AGBL1: variants seen among roughly 807,000 people sequenced by gnomAD.
The protein encoded by AGBL1 is AGBL carboxypeptidase 1.
AGBL1 carries 130 observed loss-of-function variants against 118.9 expected under a neutral mutation model. That is an observed-to-expected ratio of 1.09 (90% CI 0.95 to 1.26). The LOEUF (loss-of-function observed/expected upper bound fraction) is 1.26, where lower values mean the gene tolerates loss of function less well. Among genes scored for constraint, AGBL1 ranks in the 50% most tolerant of loss-of-function variants. The probability of loss-of-function intolerance (pLI) is 0.00; values close to 1 mark genes in which losing one functional copy is unlikely to be tolerated. For missense variants in AGBL1, 1,584 were observed against 1,298.1 expected (o/e 1.22, Z -3.38); for synonymous variants, 555 against 478.9 (o/e 1.16, Z -2.08).
At chr15:86,297,172 A>G (rs1036576126) in intron 17 of AGBL1, 3 of 152,176 alleles carry the variant, frequency 2.0e-5, no homozygotes, top group Admixed American at 6.5e-5. Context: ...AAGATGGGTT[A>G]TAGTAAGTGT....
At chr15:86,693,423 T>A (rs1046455646) in intron 22 of AGBL1, among the ~76,000 whole-genome samples, 1 of 152,166 alleles carries the variant, frequency 6.6e-6, no homozygotes, top group Non-Finnish European at 1.5e-5. Context: ...TCTATTCATA[T>A]CCTTAGCCCA....
chr15:86,724,148 A>G (rs1322975004), intron 22 of AGBL1, among the ~76,000 whole-genome samples: 2 of 144,012 alleles, frequency 1.4e-5, no homozygotes, highest in Non-Finnish European at 3.0e-5. Flanking sequence ...AGGCAGGAGA[A>G]TGGCGTGAAT....
At chr15:86,185,790 A>T (rs1443020121) in intron 5 of AGBL1, among the ~76,000 whole-genome samples, 1 of 152,006 alleles carries the variant, frequency 6.6e-6, no homozygotes, top group Non-Finnish European at 1.5e-5. Context: ...TAGCATTAGG[A>T]GATATACCTA....
intron 21 of AGBL1, among the ~76,000 whole-genome samples, chr15:86,584,042 TG>T (rs2142337533): frequency 6.6e-6 from 1 of 152,276 alleles, no homozygotes; most frequent in East Asian, 1.9e-4. Flanking sequence ...GTTATTTTTT[TG>T]TTGCTTGTTA....
chr15:87,006,342 A>G lies in AGBL1; in HGVS notation c.3323+18254A>G, dbSNP rs370604216. ...TCTTGAGCTGTGGTGGACTCCACTC[A>G]GTTCAAGCTTCCCTGCCGCTTTGTT... On this transcript the variant is annotated intron_variant, in intron 24 of 24. Transcript: ENST00000441037. Among the ~76,000 whole-genome samples, 324 of 152,250 alleles carry G rather than the reference A, an allele frequency of 2.1e-3. 1 individual carries two copies. The highest frequency in any genetic ancestry group is 7.5e-3 in the South Asian group (36 of 4,824).
intron 23 of AGBL1, among the ~76,000 whole-genome samples, chr15:86,959,128 CA>C (rs2080963725): frequency 6.6e-6 from 1 of 151,916 alleles, no homozygotes; most frequent in African/African-American, 2.4e-5. Context: ...TCGTTAATAA[CA>C]AAAAAGACTT....
chr15:86,884,686 C>T (rs990911269), intron 22 of AGBL1, among the ~76,000 whole-genome samples: 1 of 152,098 alleles, frequency 6.6e-6, no homozygotes, highest in Non-Finnish European at 1.5e-5. Flanking sequence ...GTGGTGTGCA[C>T]CTGTAATCCC....
rs201742647 is a variant in AGBL1 at position 86,490,537 on chromosome 15, A to AT, written c.2556-32264dup. ...TTATTTACTTTGATAAGTTGAGATT[A>AT]TTTTTTTTTACAGGCAGTTACTTTT... is the stretch of plus-strand genomic sequence containing the variant. On this transcript the variant is annotated intron_variant, in intron 18 of 22. Transcript: ENST00000614907. Among the ~76,000 whole-genome samples, 403 of 151,038 alleles carry AT rather than the reference A, an allele frequency of 2.7e-3. 1 individual carries two copies. The highest frequency in any genetic ancestry group is 9.0e-3 in the African/African-American group (373 of 41,274).
At position 86,128,305 on chromosome 15, in the gene AGBL1, G is replaced by A. The variant is rs544730502; in HGVS notation, c.52-13699G>A. On this transcript the variant is annotated intron_variant, in intron 1 of 22. Transcript: ENST00000614907. ...TATCAAGGCATCAGATCTCACGAGA[G>A]TTATTCACTACCACAAGAACAGTAT... 3.3e-5 allele frequency among the ~76,000 whole-genome samples: 5 copies of A among 152,064 alleles called. No homozygotes were observed. In the East Asian group the frequency reaches 9.7e-4, roughly 29 times the overall value.
chr15:86,371,467 T>C (rs2080969448), intron 17 of AGBL1, among the ~76,000 whole-genome samples: 2 of 152,206 alleles, frequency 1.3e-5, no homozygotes, highest in Admixed American at 6.5e-5. Context: ...ATATATATCA[T>C]ATGTTTTTAT....
At chr15:86,118,223 G>A (rs1474105483) in intron 1 of AGBL1, among the ~76,000 whole-genome samples, 1 of 152,194 alleles carries the variant, frequency 6.6e-6, no homozygotes, top group Non-Finnish European at 1.5e-5. Context: ...GTGCTGGGGA[G>A]CCCTAGTTCA....
At position 86,820,915 on chromosome 15, in the gene AGBL1, G is replaced by C. The variant is rs182855362; in HGVS notation, c.3159-86172G>C. Among the ~76,000 whole-genome samples, 310 of 152,232 alleles carry C rather than the reference G, an allele frequency of 2.0e-3. 2 individuals are homozygous for C. The highest frequency in any genetic ancestry group is 7.3e-3 in the African/African-American group (303 of 41,526). On this transcript the variant is annotated intron_variant, in intron 22 of 22. Transcript: ENST00000614907. Reference sequence around the variant, plus strand: ...TTGCAGCACTATTCACAATAGCAAGGACTTGGAACCAACCAAAATGCCCAT... The same window carrying C: ...TTGCAGCACTATTCACAATAGCAAGCACTTGGAACCAACCAAAATGCCCAT...
In AGBL1 at chr15:86,496,565, C is replaced by G. The variant is rs146800934; in HGVS notation, c.2556-26245C>G. On this transcript the variant is annotated intron_variant, in intron 18 of 22. Coordinates refer to ENST00000614907, the MANE Select transcript of AGBL1 (RefSeq NM_001386094.1). ...GTATTTGGATTAATTTTTTCCATCT[C>G]ATTTTGTGCTATTTAACATCATTTT... 1.6e-3 allele frequency among the ~76,000 whole-genome samples: 249 copies of G among 152,074 alleles called. 3 individuals carry two copies. The highest frequency in any genetic ancestry group is 0.011 in the South Asian group (54 of 4,824).
chr15:86,501,529 G>C (rs963975194), intron 18 of AGBL1, among the ~76,000 whole-genome samples: 1 of 151,414 alleles, frequency 6.6e-6, no homozygotes, highest in Admixed American at 6.6e-5. Context: ...CCCTAACCCA[G>C]GGTCACCAAG....
At chr15:86,210,459 A>G (rs2078073013) in intron 5 of AGBL1, among the ~76,000 whole-genome samples, 1 of 152,184 alleles carries the variant, frequency 6.6e-6, no homozygotes, top group African/African-American at 2.4e-5. Context: ...CACCAATCAA[A>G]TGTATATTTG....
chr15:87,027,789 G>T (rs999448551), intron 24 of AGBL1, among the ~76,000 whole-genome samples: 1 of 151,868 alleles, frequency 6.6e-6, no homozygotes, highest in African/African-American at 2.4e-5. Context: ...GGAACAGAAA[G>T]CCAAACACCA....
chr15:86,826,266 A>G (rs184921976), intron 22 of AGBL1, among the ~76,000 whole-genome samples: 2 of 152,292 alleles, frequency 1.3e-5, no homozygotes, highest in African/African-American at 2.4e-5. Context: ...GTTCTGGAGA[A>G]CTAACTGTTG....
intron 5 of AGBL1, among the ~76,000 whole-genome samples, chr15:86,204,919 A>G (rs559728789): frequency 6.6e-6 from 1 of 152,088 alleles, no homozygotes; most frequent in Non-Finnish European, 1.5e-5. Flanking sequence ...TTGGCACTTC[A>G]TTGTCACCCA....
chr15:86,229,344 T>C (rs1346909299), intron 6 of AGBL1, among the ~76,000 whole-genome samples: 1 of 151,972 alleles, frequency 6.6e-6, no homozygotes, highest in East Asian at 1.9e-4. Flanking sequence ...ATGTCCTTCT[T>C]CACATGGCAA....
Sources: allele counts gnomAD v4.1 joint callset (sites outside exome capture counted in the v4.1 genomes callset), GRCh38; gene constraint gnomAD v4.1.1; transcripts MANE v1.5; gene names NCBI Gene and HGNC (gene_info 2026-07-23, HGNC 2026-07-21).